The following SFMBT2 variants were observed in gnomAD, a reference collection of about 807,000 sequenced individuals.
SFMBT2 encodes the protein scm-like with four MBT domains protein 2.
SFMBT2 carries 38 observed loss-of-function variants against 110.1 expected under a neutral mutation model. The ratio of observed to expected loss-of-function variants is 0.35; its 90% CI spans 0.27 to 0.45. SFMBT2 has a LOEUF of 0.45. Among genes scored for constraint, SFMBT2 ranks in the 20% least tolerant of loss-of-function variants. SFMBT2 has a pLI of 1.00. For missense variants in SFMBT2, 1,011 were observed against 1,094.9 expected (o/e 0.92, Z 1.08); for synonymous variants, 425 against 425.4 (o/e 1.00, Z 0.01).
intron 9 of SFMBT2, among the ~76,000 whole-genome samples, chr10:7,234,950 T>C (rs1305548960): frequency 6.6e-6 from 1 of 151,922 alleles, no homozygotes; most frequent in African/African-American, 2.4e-5. Flanking sequence ...TCTATGAAAA[T>C]AGAACCAGAC....
intron 17 of SFMBT2, among the ~76,000 whole-genome samples, chr10:7,173,396 G>C (rs1369434640): frequency 6.6e-6 from 1 of 152,118 alleles, no homozygotes; most frequent in Non-Finnish European, 1.5e-5. Context: ...CTGGCATGAG[G>C]GACTCCCCCA....
At chr10:7,317,528 C>G (rs1014235091) in intron 4 of SFMBT2, among the ~76,000 whole-genome samples, 1 of 150,876 alleles carries the variant, frequency 6.6e-6, no homozygotes, top group African/African-American at 2.4e-5. Context: ...GTAATCCCAG[C>G]TACTCAGGAG....
At chr10:7,169,842 G>A (rs1837816115) in intron 20 of SFMBT2, among the ~76,000 whole-genome samples, 1 of 152,176 alleles carries the variant, frequency 6.6e-6, no homozygotes, top group Non-Finnish European at 1.5e-5. Flanking sequence ...TTGTGTTTTA[G>A]CTAACTATAC....
chr10:7,229,885 T>C (rs891309111), intron 9 of SFMBT2, among the ~76,000 whole-genome samples: 2 of 151,512 alleles, frequency 1.3e-5, no homozygotes, highest in African/African-American at 4.9e-5. Context: ...CATGCCTGGC[T>C]AATTTTTATT....
intron 4 of SFMBT2, among the ~76,000 whole-genome samples, chr10:7,311,109 G>C (rs1588438134): frequency 1.4e-5 from 2 of 144,858 alleles, no homozygotes; most frequent in South Asian, 4.3e-4. Flanking sequence ...CTGTCAGCCA[G>C]GGTTACAATT....
intron 9 of SFMBT2, among the ~76,000 whole-genome samples, chr10:7,229,204 T>G (rs1021046113): frequency 1.3e-5 from 2 of 152,218 alleles, no homozygotes; most frequent in Non-Finnish European, 2.9e-5. Flanking sequence ...TGTCACAGAT[T>G]CTATGAGTGC....
chr10:7,358,065 T>A (rs947527458), intron 4 of SFMBT2, among the ~76,000 whole-genome samples: 6 of 150,326 alleles, frequency 4.0e-5, no homozygotes, highest in Non-Finnish European at 8.9e-5. Flanking sequence ...CCCTAGAACA[T>A]CTGCATGGGC....
At position 7,191,208 on chromosome 10, in the gene SFMBT2, A is replaced by G. The variant is rs568610700; in HGVS notation, c.1699-2475T>C. Among the ~76,000 whole-genome samples, 4 of 152,334 alleles carry G rather than the reference A, an allele frequency of 2.6e-5. No individual in the cohort carries two copies. In the East Asian group the frequency reaches 7.7e-4, roughly 29 times the overall value. On this transcript the variant is annotated intron_variant, in intron 15 of 20. Transcript: ENST00000397167. Reference sequence around the variant, plus strand: ...CAGCTCTTTTACAGTAAAATCCTTAAGAAGAGTCTACACTCAACAGCGCCT... The same window carrying G: ...CAGCTCTTTTACAGTAAAATCCTTAGGAAGAGTCTACACTCAACAGCGCCT...
intron 4 of SFMBT2, among the ~76,000 whole-genome samples, chr10:7,355,417 C>T (rs921505140): frequency 6.6e-6 from 1 of 152,068 alleles, no homozygotes; most frequent in South Asian, 2.1e-4. Flanking sequence ...CACTCAGTTG[C>T]CAATGTAAAA....
intron 9 of SFMBT2, among the ~76,000 whole-genome samples, chr10:7,228,672 CTT>C (rs1839974404): frequency 1.2e-5 from 1 of 84,998 alleles, no homozygotes; most frequent in South Asian, 4.5e-4. Context: ...ACTAAAGTGG[CTT>C]CTTTCTTTCT....
At chr10:7,395,372 T>C (rs905753360) in intron 1 of SFMBT2, among the ~76,000 whole-genome samples, 1 of 152,256 alleles carries the variant, frequency 6.6e-6, no homozygotes, top group African/African-American at 2.4e-5. Flanking sequence ...ATCGCTGAAG[T>C]GTCTGATGCT....
rs568615413 is a variant in SFMBT2 at position 7,307,351 on chromosome 10, T to C, written c.437-21397A>G. Among the ~76,000 whole-genome samples the C allele has an allele frequency of 1.3e-3, 202 of 152,276 alleles. 2 individuals carry two copies. Among genetic ancestry groups the C allele is most frequent in the African/African-American group, 4.7e-3 (196 of 41,542 alleles). ...GAACTAGATAACCCAATTCTAAAAA[T>C]TATATGGAAGTAAAGTGTCCCAAGG... is the stretch of plus-strand genomic sequence containing the variant. On this transcript the variant is annotated intron_variant, in intron 4 of 20. Coordinates refer to ENST00000397167, the MANE Select transcript of SFMBT2 (RefSeq NM_001387889.1).
chr10:7,410,526 C>A (rs1846344658), intron 1 of SFMBT2, among the ~76,000 whole-genome samples: 1 of 152,166 alleles, frequency 6.6e-6, no homozygotes, highest in Non-Finnish European at 1.5e-5. Context: ...GGACGGACTC[C>A]CGCACGGCTC....
intron 4 of SFMBT2, among the ~76,000 whole-genome samples, chr10:7,355,448 A>C (rs926367340): frequency 1.3e-5 from 2 of 152,206 alleles, no homozygotes; most frequent in Non-Finnish European, 2.9e-5. Flanking sequence ...GGCTTCATCC[A>C]TGTCACGTCT....
intron 3 of SFMBT2, 43 bp downstream of exon 3, chr10:7,370,238 C>T (rs1301273832): frequency 6.4e-7 from 1 of 1,552,628 alleles, no homozygotes; most frequent in Non-Finnish European, 8.9e-7. Context: ...TCCTTCCCTT[C>T]CCACTTTCTA....
At chr10:7,381,424 T>A (rs1845418391) in intron 2 of SFMBT2, among the ~76,000 whole-genome samples, 1 of 152,142 alleles carries the variant, frequency 6.6e-6, no homozygotes, top group South Asian at 2.1e-4. Flanking sequence ...ATGGCATTTG[T>A]CTCTTGCGAG....
At chr10:7,267,540 C>T (rs1461767728) in intron 7 of SFMBT2, among the ~76,000 whole-genome samples, 4 of 152,256 alleles carry the variant, frequency 2.6e-5, no homozygotes, top group East Asian at 3.9e-4. Flanking sequence ...CTCCGCCTCT[C>T]GGGTTCAAGT....
chr10:7,270,328 C>T (rs1841542718), intron 7 of SFMBT2, among the ~76,000 whole-genome samples: 1 of 152,162 alleles, frequency 6.6e-6, no homozygotes, highest in Non-Finnish European at 1.5e-5. Context: ...TGATTTCACA[C>T]ACTAGTCTCC....
chr10:7,381,260 T>C (rs1845414450), intron 2 of SFMBT2, among the ~76,000 whole-genome samples: 2 of 152,216 alleles, frequency 1.3e-5, no homozygotes, highest in South Asian at 4.1e-4. Flanking sequence ...GTGCTCAACA[T>C]ATTAGATGCT....
Sources: allele counts gnomAD v4.1 joint callset (sites outside exome capture counted in the v4.1 genomes callset), GRCh38; gene constraint gnomAD v4.1.1; transcripts MANE v1.5; gene names NCBI Gene and HGNC (gene_info 2026-07-23, HGNC 2026-07-21).